The following GUCY1A1 variants were observed in gnomAD, a reference collection of about 807,000 sequenced individuals.
GUCY1A1 encodes the protein guanylate cyclase soluble subunit alpha-1.
A neutral mutation model predicts 64.5 loss-of-function variants in GUCY1A1; 48 were observed. The observed-to-expected ratio is 0.74, with a 90% CI of 0.59 to 0.95. The LOEUF (loss-of-function observed/expected upper bound fraction) is 0.95. Ranked by LOEUF, GUCY1A1 falls within the 40% of genes least tolerant of loss-of-function variation. The probability of loss-of-function intolerance (pLI) is 0.00; values close to 1 mark genes in which losing one functional copy is unlikely to be tolerated. For missense variants in GUCY1A1, 804 were observed against 825.3 expected (o/e 0.97, Z 0.32); for synonymous variants, 308 against 303.4 (o/e 1.02, Z -0.16).
intron 2 of GUCY1A1, among the ~76,000 whole-genome samples, chr4:155,692,297 TG>T (rs1315460384): frequency 6.6e-6 from 1 of 152,222 alleles, no homozygotes; most frequent in Non-Finnish European, 1.5e-5. Context: ...TATATTCTTT[TG>T]GGTGTATACC....
chr4:155,717,958 G>T (rs1351876566), intron 8 of GUCY1A1, among the ~76,000 whole-genome samples: 4 of 152,188 alleles, frequency 2.6e-5, no homozygotes, highest in Admixed American at 1.3e-4. Flanking sequence ...TCCAGCCCCT[G>T]GAGGAGAGGA....
chr4:155,694,569 C>T (rs1160289187), intron 2 of GUCY1A1, among the ~76,000 whole-genome samples: 1 of 152,162 alleles, frequency 6.6e-6, no homozygotes, highest in Non-Finnish European at 1.5e-5. Flanking sequence ...GGTCAGCAAA[C>T]TACTGGCTAT....
chr4:155,723,594 C>G (rs1734251999), intron 9 of GUCY1A1, among the ~76,000 whole-genome samples: 1 of 151,946 alleles, frequency 6.6e-6, no homozygotes, highest in African/African-American at 2.4e-5. Context: ...TCAGAGATAA[C>G]TCTTTAATAG....
intron 2 of GUCY1A1, among the ~76,000 whole-genome samples, chr4:155,684,008 C>T (rs918939438): frequency 1.3e-5 from 2 of 152,156 alleles, no homozygotes; most frequent in African/African-American, 2.4e-5. Context: ...GAAGTCTGCA[C>T]TCTGTCATCT....
chr4:155,709,162 T>C (rs1367179039), intron 5 of GUCY1A1, among the ~76,000 whole-genome samples: 9 of 149,862 alleles, frequency 6.0e-5, no homozygotes, highest in Admixed American at 4.7e-4. Context: ...TCTGTAACTA[T>C]AAAAAATTAA....
chr4:155,713,286 G>A lies in GUCY1A1; in HGVS notation c.1275G>A (p.Leu425=), dbSNP rs577597869. 3 of 1,614,148 alleles carry A rather than the reference G, an allele frequency of 1.9e-6. No individual in the cohort carries two copies. Among genetic ancestry groups the A allele is most frequent in the Admixed American group, 3.3e-5 (2 of 60,010 alleles). ...IGEQARAQDG[L]KKRLGKLKAT... is the part of the protein sequence containing the mutation. ...AACAAGCCCGAGCTCAAGATGGCCT[G>A]AAGAAGAGGCTGGGGAAGCTGAAGG... Residue 425 remains leucine (L), a synonymous_variant, in exon 7 of 10, where the codon CTG becomes CTA. Coordinates refer to ENST00000506455, the MANE Select transcript of GUCY1A1 (RefSeq NM_001130682.3).
chr4:155,694,150 T>C (rs1320323700), intron 2 of GUCY1A1, among the ~76,000 whole-genome samples: 2 of 152,194 alleles, frequency 1.3e-5, no homozygotes, highest in Non-Finnish European at 2.9e-5. Context: ...AAAGCTCTTT[T>C]CCCTGAAAAT....
intron 9 of GUCY1A1, among the ~76,000 whole-genome samples, chr4:155,726,768 TA>T (rs1321484966): frequency 6.6e-6 from 1 of 151,978 alleles, no homozygotes; most frequent in Non-Finnish European, 1.5e-5. Context: ...TTTTAGGGGA[TA>T]ATATTCGACA....
Position 155,717,248 on chromosome 4 carries a change from G to A in GUCY1A1, c.1662G>A (p.Leu554=). Residue 554 remains leucine, a synonymous_variant, in exon 8 of 10, where the codon CTG becomes CTA. Transcript: ENST00000506455. The part of the protein sequence containing the change: ...THAVQIALMA[L]KMMELSDEVM... The stretch of plus-strand genomic sequence containing the variant: ...CTGTTCAGATAGCGCTGATGGCCCT[G>A]AAGATGATGGAGCTCTCTGATGAAG... The A allele has an allele frequency of 9.4e-6, 15 of 1,599,818 alleles. No individual in the cohort carries two copies. Among genetic ancestry groups the A allele is most frequent in the Non-Finnish European group, 1.3e-5 (15 of 1,171,268 alleles).
At chr4:155,695,981 A>G (rs1730356450) in intron 2 of GUCY1A1, among the ~76,000 whole-genome samples, 1 of 152,162 alleles carries the variant, frequency 6.6e-6, no homozygotes, top group Non-Finnish European at 1.5e-5. Flanking sequence ...CAACAAAAAC[A>G]AAAGTACTGG....
chr4:155,720,143 C>G (rs13148425), intron 8 of GUCY1A1, among the ~76,000 whole-genome samples: 1 of 151,894 alleles, frequency 6.6e-6, no homozygotes, highest in Admixed American at 6.6e-5. Context: ...TCGGTTTTTA[C>G]GAGCAGAATA....
Position 155,722,206 on chromosome 4 carries a change from T to C in GUCY1A1, c.1871+14T>C, listed in dbSNP as rs926664616. 2.5e-6 allele frequency: 4 copies of C among 1,608,596 alleles called. No individual in the cohort carries two copies. The highest frequency in any genetic ancestry group is 2.7e-5 in the African/African-American group (2 of 74,660). ...AACAACTTACAGGTAGTAATTATGT[T>C]AAACACCTAAAATCTCTTGTTTTTA... On this transcript the variant is annotated intron_variant, in intron 9 of 9. Coordinates refer to ENST00000506455, the MANE Select transcript of GUCY1A1 (RefSeq NM_001130682.3).
chr4:155,691,454 G>A (rs1034574739), intron 2 of GUCY1A1, among the ~76,000 whole-genome samples: 14 of 152,254 alleles, frequency 9.2e-5, no homozygotes, highest in African/African-American at 3.4e-4. Context: ...TTCAATTTTT[G>A]AGTAAGGAAA....
intron 2 of GUCY1A1, among the ~76,000 whole-genome samples, chr4:155,680,425 C>A (rs1735561617): frequency 6.6e-6 from 1 of 151,624 alleles, no homozygotes; most frequent in Admixed American, 6.6e-5. Context: ...TTTTGTATAT[C>A]CACTGGGAAT....
intron 2 of GUCY1A1, among the ~76,000 whole-genome samples, chr4:155,671,933 T>C (rs1317108686): frequency 2.0e-5 from 3 of 152,120 alleles, no homozygotes; most frequent in Non-Finnish European, 2.9e-5. Context: ...GAGTTTAACA[T>C]AGAGGACTGT....
intron 5 of GUCY1A1, among the ~76,000 whole-genome samples, chr4:155,709,280 T>C (rs533590665): frequency 6.6e-6 from 1 of 152,220 alleles, no homozygotes; most frequent in Non-Finnish European, 1.5e-5. Flanking sequence ...GTCTTTCTTA[T>C]AAGACGGCCT....
intron 2 of GUCY1A1, among the ~76,000 whole-genome samples, chr4:155,683,931 A>C (rs1284293729): frequency 1.3e-5 from 2 of 152,166 alleles, no homozygotes; most frequent in African/African-American, 4.8e-5. Context: ...GGAGGTCATC[A>C]GGGTATATTG....
At chr4:155,688,059 TAAAAATACA>T (rs1729227633) in intron 2 of GUCY1A1, among the ~76,000 whole-genome samples, 1 of 150,910 alleles carries the variant, frequency 6.6e-6, no homozygotes, top group Non-Finnish European at 1.5e-5. Context: ...CCGTCTCTAC[TAAAAATACA>T]AAAAAAAAAA....
In GUCY1A1 at chr4:155,697,093, G is replaced by C; in HGVS notation, c.226G>C (p.Glu76Gln). The change falls in exon 3 of 10, where the codon GAG becomes CAG. Residue 76 changes from glutamate to glutamine, a missense_variant. Physicochemically the swap from Glu to Gln is conservative, Grantham distance 29 (BLOSUM62 2). Coordinates refer to ENST00000506455, the MANE Select transcript of GUCY1A1 (RefSeq NM_001130682.3). The part of the protein sequence containing the change: ...RSRVYLHTLA[E>Q]SICKLIFPEF... ...CCGAGTCTATCTTCACACTTTGGCA[G>C]AGAGTATTTGCAAACTGATTTTCCC... 1 of 1,613,458 alleles carries C rather than the reference G, an allele frequency of 6.2e-7. No individual in the cohort carries two copies. The highest frequency in any genetic ancestry group is 8.5e-7 in the Non-Finnish European group (1 of 1,179,478).
Sources: gnomAD v4.1 joint callset for allele counts (sites outside exome capture counted in the v4.1 genomes callset) on GRCh38, gnomAD v4.1.1 for gene constraint, MANE v1.5 for transcripts, NCBI Gene and HGNC (gene_info 2026-07-23, HGNC 2026-07-21) for gene names.